The following FKBP11 variants were observed in gnomAD, a reference collection of about 807,000 sequenced individuals.
FKBP11 encodes peptidyl-prolyl cis-trans isomerase FKBP11.
In FKBP11, 21 loss-of-function variants were observed where a neutral mutation model predicts 24.7. That is an observed-to-expected ratio of 0.85 (90% CI 0.60 to 1.23). The LOEUF (loss-of-function observed/expected upper bound fraction) is 1.23. FKBP11 is among the 50% of genes most tolerant of loss of function. The pLI is 0.00. For synonymous variants in FKBP11, 106 were observed against 100.6 expected, an observed-to-expected ratio of 1.05 and a Z score of -0.32; for missense variants, 245 against 248.7, an observed-to-expected ratio of 0.99 and a Z score of 0.10.
At chr12:48,924,412 G>A in intron 3 of FKBP11, 149 bp downstream of exon 3, 1 of 1,161,528 alleles carries the variant, frequency 8.6e-7, no homozygotes, top group Non-Finnish European at 1.3e-6. Flanking sequence ...TGGAGTACTA[G>A]AAGTGAGGTT....
the FKBP11 span, chr12:48,931,515 T>C: frequency 7.1e-5 from 108 of 1,518,174 alleles, no homozygotes; most frequent in African/African-American, 1.3e-3. Flanking sequence ...AGATGATTCT[T>C]GGAAAGATAG....
Position 48,923,495 on chromosome 12 carries a change from A to G in FKBP11, c.388+287T>C, listed in dbSNP as rs1592230730. The stretch of plus-strand genomic sequence containing the variant: ...GGAAAGAAGTCCAGTGTTCTGGGAA[A>G]GGTGGTGGCACAGGCAGCAGACCCA... On this transcript the variant is annotated intron_variant, in intron 5 of 5. Coordinates refer to ENST00000550765, the MANE Select transcript of FKBP11 (RefSeq NM_016594.3). 4 of 1,550,488 alleles carry G rather than the reference A, an allele frequency of 2.6e-6. No homozygotes were observed. In the East Asian group the frequency reaches 9.8e-5, roughly 38 times the overall value.
chr12:48,923,373 G>A, intron 5 of FKBP11: 1 of 1,446,320 alleles, frequency 6.9e-7, no homozygotes, highest in South Asian at 1.5e-5. Context: ...TCACTTGACT[G>A]TGATTATTTT....
At chr12:48,927,109 A>G (rs760775291), upstream of FKBP11, among the ~76,000 whole-genome samples, 27 of 152,220 alleles carry the variant, frequency 1.8e-4, no homozygotes, top group Non-Finnish European at 3.5e-4. Context: ...CGCCCAGCCA[A>G]CAGTCTTAAC....
rs745622342 is a variant in FKBP11 at position 48,925,375 on chromosome 12, G to GAGC, written c.51_53dup (p.Leu18dup). The GAGC allele has an allele frequency of 1.2e-4, 200 of 1,601,566 alleles. No homozygotes were observed. Among genetic ancestry groups the GAGC allele is most frequent in the African/African-American group, 5.6e-4 (42 of 74,842 alleles). On this transcript the variant is annotated inframe_insertion, in exon 1 of 6. Transcript: ENST00000550765. ...CCTCAGCCCGGCACACCGCCGCACT[G>GAGC]AGCAGCAGCAGCAGCAGCAGATGGA...
chr12:48,925,606 G>A (rs1939947971), upstream of FKBP11: 2 of 748,762 alleles, frequency 2.7e-6, no homozygotes, highest in South Asian at 3.7e-5. Flanking sequence ...AAGGGAGGAG[G>A]CCGAGGGGCG....
chr12:48,931,513 C>A, the FKBP11 span: 1 of 1,519,022 alleles, frequency 6.6e-7, no homozygotes, highest in Non-Finnish European at 8.8e-7. Flanking sequence ...TGAGATGATT[C>A]TTGGAAAGAT....
At chr12:48,928,637 A>G (rs1337447551), upstream of FKBP11, among the ~76,000 whole-genome samples, 3 of 150,648 alleles carry the variant, frequency 2.0e-5, no homozygotes, top group Non-Finnish European at 4.4e-5. Flanking sequence ...GTGCCACCAC[A>G]CCAGGCTAAT....
upstream of FKBP11, among the ~76,000 whole-genome samples, chr12:48,926,682 A>G (rs888856534): frequency 1.3e-5 from 2 of 151,146 alleles, no homozygotes; most frequent in African/African-American, 4.9e-5. Flanking sequence ...TAGTAAAGAC[A>G]GGGTTTCTCC....
chr12:48,935,227 G>A, the FKBP11 span, among the ~76,000 whole-genome samples: 1 of 152,038 alleles, frequency 6.6e-6, no homozygotes, highest in Admixed American at 6.6e-5. Context: ...TATATGGGTG[G>A]AAGCACTGGT....
intron 5 of FKBP11, chr12:48,922,638 T>C: frequency 1.0e-6 from 1 of 995,470 alleles, no homozygotes; most frequent in Non-Finnish European, 1.2e-6. Context: ...AACGTGATTA[T>C]GAGATAACAG....
chr12:48,932,227 T>TATATATATATATA, the FKBP11 span, among the ~76,000 whole-genome samples: 3 of 37,730 alleles, frequency 8.0e-5, no homozygotes, highest in African/African-American at 2.5e-4. Context: ...AAACATATAT[T>TATATATATATATA]TATATATATA....
the FKBP11 span, chr12:48,938,606 G>A: frequency 2.2e-6 from 1 of 455,768 alleles, no homozygotes; most frequent in Non-Finnish European, 4.4e-6. Context: ...CAGATGCCAA[G>A]AGGACAGCAA....
rs1939892143 is a variant in FKBP11, at chr12:48,923,871, G to A, written c.318-19C>T. On this transcript the variant is annotated intron_variant, in intron 4 of 5. Transcript: ENST00000550765. ...CTTCTCTCTGAGGGAAGGAATGTCAGTCACAGCCAGAGGCAGGAGAGGTAG... is the reference window on the plus strand; with the variant it reads ...CTTCTCTCTGAGGGAAGGAATGTCAATCACAGCCAGAGGCAGGAGAGGTAG... The A allele has an allele frequency of 1.2e-6, 2 of 1,612,954 alleles. No homozygotes were observed. The highest frequency in any genetic ancestry group is 2.2e-5 in the South Asian group (2 of 91,056).
the FKBP11 span, chr12:48,938,355 C>T: frequency 2.0e-5 from 9 of 454,094 alleles, no homozygotes; most frequent in East Asian, 1.4e-4. Context: ...CTCACCAACA[C>T]GGAAGGGGCA....
intron 5 of FKBP11, chr12:48,922,699 GAAGTA>G: frequency 3.0e-6 from 3 of 993,740 alleles, no homozygotes; most frequent in South Asian, 4.4e-5. Context: ...TGCTGCTTAA[GAAGTA>G]AAGGGGCAGG....
chr12:48,925,528 A>G (rs963183077), upstream of FKBP11: 46 of 1,399,750 alleles, frequency 3.3e-5, no homozygotes, highest in Non-Finnish European at 4.3e-5. Context: ...ACTGGACGGG[A>G]CGGGGCGGGT....
chr12:48,924,043 G>A, intron 4 of FKBP11, 180 bp downstream of exon 4: 2 of 882,826 alleles, frequency 2.3e-6, no homozygotes, highest in Admixed American at 3.9e-5. Flanking sequence ...CCCGACAAAA[G>A]CAACAGCGCA....
rs1329639771 is a variant in FKBP11 at position 48,924,273 on chromosome 12, CAACTG to C, written c.284-22_284-18del. 1.9e-6 allele frequency: 3 copies of C among 1,614,200 alleles called. No homozygotes were observed. On this transcript the variant is annotated intron_variant, in intron 3 of 5. Coordinates refer to ENST00000550765, the MANE Select transcript of FKBP11 (RefSeq NM_016594.3). The stretch of plus-strand genomic sequence containing the variant: ...GCTCCAGACCTTGAAGAAGAAGACA[CAACTG>C]AACTGGAAGCTATCCACCTTCCCCA...
Sources: allele counts gnomAD v4.1 joint callset (sites outside exome capture counted in the v4.1 genomes callset), GRCh38; gene constraint gnomAD v4.1.1; transcripts MANE v1.5; gene names NCBI Gene and HGNC (gene_info 2026-07-23, HGNC 2026-07-21).